SHISA6: variants seen among roughly 807,000 people sequenced by gnomAD.
SHISA6 encodes protein shisa-6.
SHISA6 carries 22 observed loss-of-function variants against 47.9 expected under a neutral mutation model. The observed-to-expected ratio is 0.46, with a 90% confidence interval of 0.33 to 0.66. SHISA6 has a LOEUF of 0.66. Among genes scored for constraint, SHISA6 ranks in the 30% least tolerant of loss-of-function variants. The probability of loss-of-function intolerance (pLI) is 0.02; values close to 1 mark genes in which losing one functional copy is unlikely to be tolerated. For missense variants in SHISA6, 680 were observed against 764.6 expected (o/e 0.89, Z 1.30); for synonymous variants, 388 against 337.8 (o/e 1.15, Z -1.63).
At chr17:11,395,107 T>C (rs1477020689) in intron 3 of SHISA6, among the ~76,000 whole-genome samples, 2 of 150,010 alleles carry the variant, frequency 1.3e-5, no homozygotes, top group Non-Finnish European at 3.0e-5. Context: ...ATTCACACGA[T>C]GGCCCTTTAT....
intron 3 of SHISA6, among the ~76,000 whole-genome samples, chr17:11,532,329 A>G (rs781547519): frequency 3.9e-5 from 6 of 152,182 alleles, no homozygotes; most frequent in Non-Finnish European, 7.3e-5. Context: ...ATGAGGCAGC[A>G]AAGTGTTAAC....
At chr17:11,438,041 T>C (rs971363797) in intron 3 of SHISA6, among the ~76,000 whole-genome samples, 1 of 152,276 alleles carries the variant, frequency 6.6e-6, no homozygotes, top group Middle Eastern at 3.4e-3. Flanking sequence ...GCCAGACTTA[T>C]TGTCCACTCC....
intron 2 of SHISA6, among the ~76,000 whole-genome samples, chr17:11,298,932 T>C (rs146948914): frequency 4.6e-4 from 70 of 152,306 alleles, no homozygotes; most frequent in African/African-American, 1.5e-3. Context: ...TGTTCAGGGA[T>C]GGTAGAAAAT....
chr17:11,362,016 G>T (rs564048047), intron 2 of SHISA6, among the ~76,000 whole-genome samples: 1 of 152,124 alleles, frequency 6.6e-6, no homozygotes, highest in African/African-American at 2.4e-5. Flanking sequence ...ATCAACCGAG[G>T]GGTTTTCCAG....
At chr17:11,436,717 C>CATGG (rs1914953859) in intron 3 of SHISA6, among the ~76,000 whole-genome samples, 3 of 152,232 alleles carry the variant, frequency 2.0e-5, no homozygotes, top group Admixed American at 1.3e-4. Flanking sequence ...TGTATAAACA[C>CATGG]ATGGATGAAT....
chr17:11,484,604 G>A lies in SHISA6; in HGVS notation c.896-67292G>A, dbSNP rs1275580561. Among the ~76,000 whole-genome samples the A allele has an allele frequency of 2.0e-5, 3 of 152,068 alleles. No individual in the cohort carries two copies. In the East Asian group the frequency reaches 5.8e-4, roughly 29 times the overall value. ...TTAGTAAAGACGATTTCACCATGTTGGCCAGGCTGGTCTTGAACTCCTGAC... is the reference window on the plus strand; with the variant it reads ...TTAGTAAAGACGATTTCACCATGTTAGCCAGGCTGGTCTTGAACTCCTGAC... On this transcript the variant is annotated intron_variant, in intron 3 of 5. Transcript: ENST00000441885.
chr17:11,246,214 G>C (rs571193446), intron 1 of SHISA6, among the ~76,000 whole-genome samples: 1 of 152,302 alleles, frequency 6.6e-6, no homozygotes, highest in South Asian at 2.1e-4. Flanking sequence ...TGCTTCGCCG[G>C]GTGCGGTGGC....
At chr17:11,264,459 TA>T (rs1908351789) in intron 2 of SHISA6, among the ~76,000 whole-genome samples, 1 of 152,216 alleles carries the variant, frequency 6.6e-6, no homozygotes, top group Non-Finnish European at 1.5e-5. Flanking sequence ...CTTACCCAGT[TA>T]AGGGTATGAA....
At chr17:11,540,363 C>T (rs999414336) in intron 3 of SHISA6, among the ~76,000 whole-genome samples, 2 of 152,202 alleles carry the variant, frequency 1.3e-5, no homozygotes, top group Admixed American at 6.5e-5. Flanking sequence ...TGGGACACTT[C>T]ATTCCCAGGC....
At chr17:11,325,701 A>AG (rs1324669929) in intron 2 of SHISA6, among the ~76,000 whole-genome samples, 2 of 142,710 alleles carry the variant, frequency 1.4e-5, no homozygotes, top group Non-Finnish European at 3.2e-5. Flanking sequence ...ATGTTTAAAA[A>AG]AAAAAAAAAA....
At chr17:11,526,177 G>T (rs2071680115) in intron 3 of SHISA6, among the ~76,000 whole-genome samples, 1 of 150,616 alleles carries the variant, frequency 6.6e-6, no homozygotes, top group Non-Finnish European at 1.5e-5. Context: ...ATGAGTAAAT[G>T]GCCTATATTC....
chr17:11,355,377 A>C (rs1443865559), intron 2 of SHISA6, among the ~76,000 whole-genome samples: 1 of 152,178 alleles, frequency 6.6e-6, no homozygotes, highest in Non-Finnish European at 1.5e-5. Flanking sequence ...CCTCACTTGT[A>C]CTTTTTTCTT....
At chr17:11,351,129 T>G (rs4791465) in intron 2 of SHISA6, among the ~76,000 whole-genome samples, 2 of 151,896 alleles carry the variant, frequency 1.3e-5, no homozygotes, top group Non-Finnish European at 2.9e-5. Context: ...CATCACACAC[T>G]GGGGCCTGTT....
intron 3 of SHISA6, among the ~76,000 whole-genome samples, chr17:11,513,853 A>G (rs2071561296): frequency 6.6e-6 from 1 of 152,174 alleles, no homozygotes; most frequent in Admixed American, 6.5e-5. Flanking sequence ...CAGAGAGCCA[A>G]CTTATTTATT....
intron 2 of SHISA6, among the ~76,000 whole-genome samples, chr17:11,265,077 C>T (rs1242728464): frequency 6.6e-6 from 1 of 152,204 alleles, no homozygotes; most frequent in African/African-American, 2.4e-5. Context: ...TTGGCAAAAA[C>T]TTCTGGACCA....
intron 3 of SHISA6, among the ~76,000 whole-genome samples, chr17:11,493,578 C>T (rs1227535727): frequency 2.0e-5 from 3 of 152,004 alleles, no homozygotes; most frequent in Non-Finnish European, 4.4e-5. Context: ...CACGCGTGCG[C>T]GCGCACACAC....
chr17:11,525,654 A>AAAAAAAAAAAC, intron 3 of SHISA6, among the ~76,000 whole-genome samples: 2 of 34,530 alleles, frequency 5.8e-5, no homozygotes, highest in African/African-American at 2.4e-4. Context: ...AAAAAAAACA[A>AAAAAAAAAAAC]AAAAAAAAAA....
chr17:11,271,631 T>A (rs1379762212), intron 2 of SHISA6, among the ~76,000 whole-genome samples: 1 of 68,222 alleles, frequency 1.5e-5, no homozygotes, highest in Non-Finnish European at 3.4e-5. Context: ...TTTTTTTTTT[T>A]GTATTTTTAG....
At chr17:11,484,543 G>A (rs1916298836) in intron 3 of SHISA6, among the ~76,000 whole-genome samples, 2 of 152,116 alleles carry the variant, frequency 1.3e-5, no homozygotes, top group Admixed American at 1.3e-4. Flanking sequence ...TGGGATTACA[G>A]GCATGCACTA....
Sources: gnomAD v4.1 joint callset for allele counts (sites outside exome capture counted in the v4.1 genomes callset) on GRCh38, gnomAD v4.1.1 for gene constraint, MANE v1.5 for transcripts, NCBI Gene and HGNC (gene_info 2026-07-23, HGNC 2026-07-21) for gene names.